GRIK3: variants seen among roughly 807,000 people sequenced by gnomAD.
GRIK3 encodes glutamate receptor ionotropic, kainate 3.
In GRIK3, 29 loss-of-function variants were observed where a neutral mutation model predicts 102.5. That is an observed-to-expected ratio of 0.28 (90% CI 0.21 to 0.39). The LOEUF (loss-of-function observed/expected upper bound fraction) is 0.39. Ranked by LOEUF, GRIK3 falls within the 10% of genes least tolerant of loss-of-function variation. The probability of loss-of-function intolerance (pLI) is 1.00; values close to 1 mark genes in which losing one functional copy is unlikely to be tolerated. For missense variants in GRIK3, 908 were observed against 1,252.4 expected, an observed-to-expected ratio of 0.73 and a Z score of 4.15; for synonymous variants, 511 against 504.9, an observed-to-expected ratio of 1.01 and a Z score of -0.16.
intron 1 of GRIK3, among the ~76,000 whole-genome samples, chr1:37,004,836 A>G (rs1281670774): frequency 2.6e-5 from 4 of 151,836 alleles, no homozygotes; most frequent in South Asian, 4.2e-4. Flanking sequence ...CCCTCTTCCC[A>G]CTCTTGAGAC....
intron 9 of GRIK3, among the ~76,000 whole-genome samples, chr1:36,842,205 C>T (rs1005656874): frequency 4.6e-5 from 7 of 152,102 alleles, no homozygotes; most frequent in African/African-American, 7.2e-5. Context: ...AGCTAGTGAG[C>T]GGTGGAGCAG....
chr1:36,838,813 C>T (rs1031987040), intron 10 of GRIK3, among the ~76,000 whole-genome samples: 1 of 152,098 alleles, frequency 6.6e-6, no homozygotes, highest in South Asian at 2.1e-4. Context: ...AATTATCTGA[C>T]GACACTAATA....
In GRIK3 at chr1:36,859,219, A is replaced by C; in HGVS notation, c.993T>G (p.His331Gln). The change falls in exon 7 of 16, where the codon CAT becomes CAG. Residue 331 changes from histidine (H) to glutamine (Q), a missense_variant. This residue lies in a region of GRIK3 where 585 missense variants were observed against 824.9 expected (regional missense o/e 0.71). Coordinates refer to ENST00000373091, the MANE Select transcript of GRIK3 (RefSeq NM_000831.4). ...TDAALLYDAV[H>Q]IVSVCYQRAP... ...CCCGCTGGTAGCACACGGACACGAT[A>C]TGGACGGCGTCGTACAGTAAGGCTG... 6.2e-7 allele frequency: 1 copy of C among 1,613,612 alleles called. No individual in the cohort carries two copies. The highest frequency in any genetic ancestry group is 1.1e-5 in the South Asian group (1 of 91,034).
chr1:36,849,178 GT>G (rs1640552667), intron 9 of GRIK3, among the ~76,000 whole-genome samples: 1 of 152,124 alleles, frequency 6.6e-6, no homozygotes, highest in Non-Finnish European at 1.5e-5. Context: ...TTCCCTTCCT[GT>G]TCCATGACAT....
intron 1 of GRIK3, among the ~76,000 whole-genome samples, chr1:37,000,285 G>A (rs1280175339): frequency 2.0e-5 from 3 of 152,210 alleles, no homozygotes; most frequent in Admixed American, 6.5e-5. Flanking sequence ...ACATACATGA[G>A]TGAATAATAA....
intron 1 of GRIK3, among the ~76,000 whole-genome samples, chr1:36,906,876 T>C (rs2124290502): frequency 6.6e-6 from 1 of 152,338 alleles, no homozygotes; most frequent in Admixed American, 6.5e-5. Context: ...AATAACTTAT[T>C]GTTTATTTCA....
chr1:36,963,094 C>T (rs1557443495), intron 1 of GRIK3, among the ~76,000 whole-genome samples: 1 of 151,992 alleles, frequency 6.6e-6, no homozygotes, highest in African/African-American at 2.4e-5. Flanking sequence ...ATTAGCCAAC[C>T]CCGAGGTCAG....
At chr1:36,923,906 G>A (rs1042969936) in intron 1 of GRIK3, among the ~76,000 whole-genome samples, 14 of 151,972 alleles carry the variant, frequency 9.2e-5, no homozygotes, top group African/African-American at 3.4e-4. Context: ...CACATGCACT[G>A]GCTGACCCAC....
At chr1:36,831,763 T>A (rs894157749) in intron 10 of GRIK3, among the ~76,000 whole-genome samples, 1 of 152,252 alleles carries the variant, frequency 6.6e-6, no homozygotes, top group Non-Finnish European at 1.5e-5. Flanking sequence ...ATTTATACTT[T>A]AATTGAATTT....
intron 1 of GRIK3, among the ~76,000 whole-genome samples, chr1:37,009,590 G>T (rs150405760): frequency 6.6e-6 from 1 of 152,364 alleles, no homozygotes; most frequent in East Asian, 1.9e-4. Context: ...GTGTATGGCT[G>T]GAGGGGTGTG....
intron 1 of GRIK3, among the ~76,000 whole-genome samples, chr1:37,028,721 A>G (rs1280272253): frequency 6.6e-6 from 1 of 152,214 alleles, no homozygotes; most frequent in Non-Finnish European, 1.5e-5. Flanking sequence ...AGCTAAATGC[A>G]TGGGATCCAG....
chr1:36,949,368 C>A (rs16823705), intron 1 of GRIK3, among the ~76,000 whole-genome samples: 6,280 of 152,198 alleles, frequency 0.041, 439 homozygotes, highest in African/African-American at 0.14. Flanking sequence ...AACTCTGGAA[C>A]AGCCAAATGT....
chr1:36,918,170 C>T (rs1257903557), intron 1 of GRIK3, among the ~76,000 whole-genome samples: 1 of 152,242 alleles, frequency 6.6e-6, no homozygotes, highest in Non-Finnish European at 1.5e-5. Flanking sequence ...GAACCCAAAG[C>T]AGCTCTGAAG....
chr1:37,033,625 C>G (rs1219870508), intron 1 of GRIK3, among the ~76,000 whole-genome samples: 1 of 152,196 alleles, frequency 6.6e-6, no homozygotes, highest in Non-Finnish European at 1.5e-5. Context: ...TCCCCAGGGT[C>G]CCCACTCTGC....
intron 11 of GRIK3, among the ~76,000 whole-genome samples, chr1:36,821,839 T>C (rs2124193977): frequency 6.6e-6 from 1 of 152,252 alleles, no homozygotes; most frequent in South Asian, 2.1e-4. Context: ...GGAGACAACA[T>C]AAAGCTGATT....
At chr1:36,836,637 T>C (rs1640382448) in intron 10 of GRIK3, among the ~76,000 whole-genome samples, 3 of 152,242 alleles carry the variant, frequency 2.0e-5, no homozygotes, top group South Asian at 2.1e-4. Context: ...TTTGTCTCCA[T>C]TGTGTTCCAT....
At chr1:36,930,438 G>A (rs1419129372) in intron 1 of GRIK3, among the ~76,000 whole-genome samples, 1 of 152,174 alleles carries the variant, frequency 6.6e-6, no homozygotes, top group African/African-American at 2.4e-5. Flanking sequence ...AATCCTAAGT[G>A]TCAGAGCTGG....
chr1:36,824,033 C>T (rs988895402), intron 11 of GRIK3, among the ~76,000 whole-genome samples: 3 of 152,058 alleles, frequency 2.0e-5, no homozygotes, highest in Non-Finnish European at 4.4e-5. Context: ...CCTAGCTCGG[C>T]GGCCAAAACT....
At chr1:36,866,952 C>G (rs1640791322) in intron 5 of GRIK3, among the ~76,000 whole-genome samples, 1 of 152,204 alleles carries the variant, frequency 6.6e-6, no homozygotes, top group Non-Finnish European at 1.5e-5. Flanking sequence ...GAGAGGTTAA[C>G]TGGGCACAGT....
Sources: allele counts gnomAD v4.1 joint callset (sites outside exome capture counted in the v4.1 genomes callset), GRCh38; gene constraint gnomAD v4.1.1; regional missense constraint gnomAD v4.1.1; transcripts MANE v1.5; gene names NCBI Gene and HGNC (gene_info 2026-07-23, HGNC 2026-07-21).